The following SLC2A12 variants were observed in gnomAD, a reference collection of about 807,000 sequenced individuals.
SLC2A12 encodes solute carrier family 2 member 12.
In SLC2A12, 23 loss-of-function variants were observed where a neutral mutation model predicts 41.8. The ratio of observed to expected loss-of-function variants is 0.55; its 90% CI spans 0.40 to 0.78. SLC2A12 has a LOEUF of 0.78. Ranked by LOEUF, SLC2A12 falls within the 30% of genes least tolerant of loss-of-function variation. SLC2A12 has a pLI of 0.00. For missense variants in SLC2A12, 654 were observed against 745.6 expected, an observed-to-expected ratio of 0.88 and a Z score of 1.43; for synonymous variants, 295 against 285.9, an observed-to-expected ratio of 1.03 and a Z score of -0.32.
At chr6:134,014,981 T>G (rs1227583319) in intron 2 of SLC2A12, among the ~76,000 whole-genome samples, 2 of 152,236 alleles carry the variant, frequency 1.3e-5, no homozygotes, top group Non-Finnish European at 2.9e-5. Flanking sequence ...TTTAAGTTTT[T>G]CCTGGTTGTT....
At chr6:134,046,379 G>T (rs1010403774) in intron 1 of SLC2A12, among the ~76,000 whole-genome samples, 1 of 152,116 alleles carries the variant, frequency 6.6e-6, no homozygotes, top group Non-Finnish European at 1.5e-5. Flanking sequence ...AACAAGAATT[G>T]CATTTTTCTC....
intron 4 of SLC2A12, among the ~76,000 whole-genome samples, chr6:133,991,847 G>C (rs1254213881): frequency 6.6e-6 from 1 of 152,182 alleles, no homozygotes; most frequent in Admixed American, 6.5e-5. Flanking sequence ...TATGTAGGTA[G>C]TATGGGTTGA....
intron 2 of SLC2A12, among the ~76,000 whole-genome samples, chr6:134,021,185 TA>T (rs1467151997): frequency 6.6e-6 from 1 of 152,194 alleles, no homozygotes; most frequent in Non-Finnish European, 1.5e-5. Flanking sequence ...GGCAGCCTAG[TA>T]TTTCTAGCTT....
At chr6:134,032,464 ATTTT>A (rs1359249875) in intron 1 of SLC2A12, among the ~76,000 whole-genome samples, 790 of 34,630 alleles carry the variant, frequency 0.023, 40 homozygotes, top group African/African-American at 0.099. Flanking sequence ...ATATATATAT[ATTTT>A]TATATATATA....
At chr6:134,019,183 G>C (rs1379116358) in intron 2 of SLC2A12, among the ~76,000 whole-genome samples, 1 of 151,944 alleles carries the variant, frequency 6.6e-6, no homozygotes, top group Non-Finnish European at 1.5e-5. Flanking sequence ...ATTAATTTTT[G>C]GATAAAAAGC....
At chr6:134,015,570 C>T (rs1354657407) in intron 2 of SLC2A12, among the ~76,000 whole-genome samples, 1 of 152,094 alleles carries the variant, frequency 6.6e-6, no homozygotes, top group Non-Finnish European at 1.5e-5. Context: ...GTAATTATCC[C>T]ATAAGAATGG....
intron 2 of SLC2A12, among the ~76,000 whole-genome samples, chr6:134,021,420 C>T (rs967802586): frequency 6.6e-6 from 1 of 152,188 alleles, no homozygotes; most frequent in African/African-American, 2.4e-5. Context: ...AAAATGCTTA[C>T]AGTCTATAAC....
chr6:134,048,659 C>T (rs1008843357), intron 1 of SLC2A12, among the ~76,000 whole-genome samples: 2 of 152,152 alleles, frequency 1.3e-5, no homozygotes, highest in Non-Finnish European at 2.9e-5. Flanking sequence ...CAGATGTTGA[C>T]TTGTTAAATA....
chr6:134,032,405 AATATATATAT>A (rs1170558623), intron 1 of SLC2A12, among the ~76,000 whole-genome samples: 6 of 118,080 alleles, frequency 5.1e-5, no homozygotes. Flanking sequence ...TACAGGGAGA[AATATATATAT>A]ATATATATAT....
Position 133,999,895 on chromosome 6 carries a change from G to A in SLC2A12, c.1700+2102C>T, listed in dbSNP as rs9493795. 3.6e-3 allele frequency among the ~76,000 whole-genome samples: 546 copies of A among 152,312 alleles called. 4 individuals carry two copies. The highest frequency in any genetic ancestry group is 0.012 in the African/African-American group (508 of 41,572). On this transcript the variant is annotated intron_variant, in intron 4 of 4. Transcript: ENST00000275230. ...AATACCAATAGATTTGGAAGTCATC[G>A]GTGTCCTGGCATCTCAGTTATGGAA...
chr6:134,007,586 C>T (rs1207773614), intron 2 of SLC2A12, among the ~76,000 whole-genome samples: 1 of 152,176 alleles, frequency 6.6e-6, no homozygotes, highest in Non-Finnish European at 1.5e-5. Flanking sequence ...CACCAAAACT[C>T]ATCAGAGGAC....
At chr6:134,004,400 C>T (rs1776786399) in intron 3 of SLC2A12, among the ~76,000 whole-genome samples, 2 of 152,102 alleles carry the variant, frequency 1.3e-5, no homozygotes. Flanking sequence ...TAAATAGTAA[C>T]CCCAAAGGTT....
chr6:134,029,815 T>C, intron 1 of SLC2A12, 94 bp from the exon 2 acceptor site: 3 of 1,442,660 alleles, frequency 2.1e-6, no homozygotes, highest in Non-Finnish European at 2.8e-6. Context: ...TAGAAGTCTT[T>C]CATAGCACTG....
intron 2 of SLC2A12, among the ~76,000 whole-genome samples, chr6:134,022,562 AG>A (rs1200994511): frequency 2.4e-5 from 2 of 84,114 alleles, no homozygotes; most frequent in East Asian, 5.7e-4. Flanking sequence ...AGAAAAGAAA[AG>A]AAAAGAAAAG....
intron 1 of SLC2A12, among the ~76,000 whole-genome samples, chr6:134,044,191 A>T (rs1777423575): frequency 6.6e-6 from 1 of 152,066 alleles, no homozygotes; most frequent in South Asian, 2.1e-4. Context: ...ATTACACATA[A>T]TACATGTATA....
intron 1 of SLC2A12, among the ~76,000 whole-genome samples, chr6:134,042,547 G>GAA (rs563614759): frequency 0.022 from 2,972 of 135,328 alleles, 101 homozygotes; most frequent in African/African-American, 0.069. Context: ...CCCAGAAATA[G>GAA]AAAAAAAAAA....
In SLC2A12 at chr6:133,989,065, T is replaced by A. The variant is rs1434528509; in HGVS notation, c.*2090A>T. The stretch of plus-strand genomic sequence containing the variant: ...AGAGGGTAAAGACAGTGTGACCAGG[T>A]TTGTTTTCAGGGCTGCCGAATGAGC... On this transcript the variant is annotated 3_prime_UTR_variant, in exon 5 of 5. Coordinates refer to ENST00000275230, the MANE Select transcript of SLC2A12 (RefSeq NM_145176.3). 2.6e-5 allele frequency: 4 copies of A among 152,038 alleles called. No homozygotes were observed. In the East Asian group the frequency reaches 7.7e-4, roughly 29 times the overall value. The allele number at this position is 152,038 out of a possible 1,614,324, so 9.4% of individuals were successfully genotyped here.
chr6:134,039,650 C>T (rs541163141), intron 1 of SLC2A12, among the ~76,000 whole-genome samples: 253 of 152,220 alleles, frequency 1.7e-3, no homozygotes, highest in African/African-American at 5.7e-3. Flanking sequence ...ATGTCCCATT[C>T]CAAGACTGTG....
In SLC2A12 at chr6:134,029,489, C is replaced by T; in HGVS notation, c.336G>A (p.Leu112=). ...DRYGRRTAII[L]SSCLLGLGSL... ...TTCCGAGTCCAAGCAGGCAGGATGA[C>T]AAGATGATTGCTGTCCTTCTTCCAT... Residue 112 remains leucine (L), a synonymous_variant, in exon 2 of 5, where the codon TTG becomes TTA. Transcript: ENST00000275230. 1 of 1,614,162 alleles carries T rather than the reference C, an allele frequency of 6.2e-7. No homozygotes were observed. Among genetic ancestry groups the T allele is most frequent in the African/African-American group, 1.3e-5 (1 of 75,044 alleles).
Sources: allele counts gnomAD v4.1 joint callset (sites outside exome capture counted in the v4.1 genomes callset), GRCh38; gene constraint gnomAD v4.1.1; transcripts MANE v1.5; gene names NCBI Gene and HGNC (gene_info 2026-07-23, HGNC 2026-07-21).